Variants in DENND2B observed in about 807,000 individuals in gnomAD.
DENND2B encodes DENN domain containing 2B.
In DENND2B, 32 loss-of-function variants were observed where a neutral mutation model predicts 116.0. The ratio of observed to expected loss-of-function variants is 0.28; its 90% CI spans 0.21 to 0.37. DENND2B has a LOEUF of 0.37. DENND2B is among the 10% of genes least tolerant of loss of function. DENND2B has a pLI of 1.00. For missense variants in DENND2B, 1,276 were observed against 1,477.7 expected (o/e 0.86, Z 2.24); for synonymous variants, 588 against 583.9 (o/e 1.01, Z -0.10).
intron 1 of DENND2B, among the ~76,000 whole-genome samples, chr11:8,806,640 C>CACA (rs1555201307): frequency 1.1e-4 from 1 of 9,286 alleles, no homozygotes; most frequent in Non-Finnish European, 5.0e-4. Flanking sequence ...ACACACACAC[C>CACA]CAGGAGAGCT....
chr11:8,705,415 A>T (rs921714759), intron 13 of DENND2B, among the ~76,000 whole-genome samples: 3 of 151,854 alleles, frequency 2.0e-5, no homozygotes, highest in African/African-American at 4.8e-5. Context: ...GTGGTTCCTG[A>T]TCCGGATCAC....
At chr11:8,718,324 C>T in intron 4 of DENND2B, 1 of 1,518,214 alleles carries the variant, frequency 6.6e-7, no homozygotes, top group Non-Finnish European at 8.8e-7. Context: ...GCTGTCCCTT[C>T]ACCCAACTCT....
chr11:8,859,572 T>C (rs938635657), intron 2 of DENND2B, among the ~76,000 whole-genome samples: 3 of 152,164 alleles, frequency 2.0e-5, no homozygotes, highest in Admixed American at 6.5e-5. Flanking sequence ...CCTCCCAAAG[T>C]GCTGGGATTA....
chr11:8,801,172 C>T (rs2060277013), intron 1 of DENND2B, among the ~76,000 whole-genome samples: 1 of 151,976 alleles, frequency 6.6e-6, no homozygotes, highest in Non-Finnish European at 1.5e-5. Flanking sequence ...CAGAGAGGGG[C>T]CCGCTCAGCC....
chr11:8,800,352 G>A lies in DENND2B; in HGVS notation c.-26+10165C>T, dbSNP rs117271730. On this transcript the variant is annotated intron_variant, in intron 1 of 19. Transcript: ENST00000313726. ...GGGAGATTCCAGCATAACTCTGCAA[G>A]GAAACTTACCTCCACTAAGGAGTAC... 5.4e-4 allele frequency among the ~76,000 whole-genome samples: 82 copies of A among 152,292 alleles called. No homozygotes were observed. The East Asian group carries it at 0.011, about 21-fold the overall frequency.
At chr11:8,704,337 G>C (rs2042221306) in intron 13 of DENND2B, among the ~76,000 whole-genome samples, 1 of 152,222 alleles carries the variant, frequency 6.6e-6, no homozygotes, top group African/African-American at 2.4e-5. Flanking sequence ...AAGAAGAGAA[G>C]TGTCTTCTAG....
intron 4 of DENND2B, among the ~76,000 whole-genome samples, chr11:8,725,818 G>C (rs533182676): frequency 1.3e-5 from 2 of 152,310 alleles, no homozygotes; most frequent in African/African-American, 4.8e-5. Flanking sequence ...TAAAGGAAAG[G>C]AATGATGTTG....
chr11:8,878,259 A>G (rs2134723375), intron 2 of DENND2B, among the ~76,000 whole-genome samples: 1 of 152,346 alleles, frequency 6.6e-6, no homozygotes, highest in East Asian at 1.9e-4. Context: ...TGTGACCAGC[A>G]ATTCCACTCC....
At position 8,904,617 on chromosome 11, in the gene DENND2B, A is replaced by G. The variant is rs373069234; in HGVS notation, c.-256+6204T>C. On this transcript the variant is annotated intron_variant, in intron 1 of 22. Coordinates refer to the DENND2B transcript ENST00000534127. ...AAGAAGTCCTGATTGAAAAGAAAAA[A>G]GTTAGCCTTTCTTTATTCACAGAAG... Among the ~76,000 whole-genome samples the G allele has an allele frequency of 1.9e-3, 291 of 152,320 alleles. 5 individuals carry two copies. The highest frequency in any genetic ancestry group is 6.8e-3 in the African/African-American group (284 of 41,578).
Position 8,712,805 on chromosome 11 carries a change from A to G in DENND2B, c.1988-70T>C. 3 of 1,489,610 alleles carry G rather than the reference A, an allele frequency of 2.0e-6. No homozygotes were observed. Among genetic ancestry groups the G allele is most frequent in the Non-Finnish European group, 2.7e-6 (3 of 1,111,564 alleles). The allele number at this position is 1,489,610 out of a possible 1,614,324, so 92.3% of individuals were successfully genotyped here. ...ATGTTAACTCCTCTACCCCTGGCTC[A>G]GGGCTCCATTGCTGTGGAGCACTTT... is the stretch of plus-strand genomic sequence containing the variant. On this transcript the variant is annotated intron_variant, in intron 8 of 19. Transcript: ENST00000313726. The surrounding 1 kb of genome is among the most constrained non-coding windows in gnomAD (Gnocchi z 4.4).
At chr11:8,878,847 C>T (rs2653559) in intron 2 of DENND2B, among the ~76,000 whole-genome samples, 34,525 of 152,100 alleles carry the variant, frequency 0.23, 4,377 homozygotes, top group East Asian at 0.4. Flanking sequence ...CATCAATCCA[C>T]AGAGACAGAA....
chr11:8,701,893 C>T (rs1182184488), intron 14 of DENND2B, among the ~76,000 whole-genome samples: 1 of 152,084 alleles, frequency 6.6e-6, no homozygotes, highest in African/African-American at 2.4e-5. Flanking sequence ...ACCCATCCAG[C>T]TCTTTTCTTA....
intron 1 of DENND2B, among the ~76,000 whole-genome samples, chr11:8,791,999 A>G (rs976253339): frequency 6.6e-6 from 1 of 151,568 alleles, no homozygotes; most frequent in Non-Finnish European, 1.5e-5. Flanking sequence ...GAGGTCAAGG[A>G]GTTCAAGACC....
At chr11:8,717,720 C>A in intron 5 of DENND2B, 21 bp downstream of exon 5, 2 of 1,530,804 alleles carry the variant, frequency 1.3e-6, no homozygotes, top group South Asian at 1.3e-5. Flanking sequence ...ACCCTACAGG[C>A]CGATGTCAGG....
chr11:8,862,140 C>A (rs2063414573), intron 2 of DENND2B, among the ~76,000 whole-genome samples: 2 of 151,618 alleles, frequency 1.3e-5, no homozygotes, highest in Admixed American at 1.3e-4. Flanking sequence ...CACAATTCAT[C>A]CATATAATCA....
Position 8,699,317 on chromosome 11 carries a change from C to T in DENND2B, c.2794G>A (p.Val932Ile). The T allele has an allele frequency of 6.2e-7, 1 of 1,606,834 alleles. No homozygotes were observed. The highest frequency in any genetic ancestry group is 8.5e-7 in the Non-Finnish European group (1 of 1,178,294). The stretch of plus-strand genomic sequence containing the variant: ...ATGTCAATCATGGAGGCCGGGAGGA[C>T]AGGAATGAAGGTGTGCTGCCAGGAG... The part of the protein sequence containing the change: ...PFSWQHTFIP[V>I]LPASMIDIVC... Residue 932 changes from valine (V) to isoleucine (I), a missense_variant, in exon 15 of 20, where the codon GTC becomes ATC. Val to Ile is a conservative substitution (Grantham distance 29, BLOSUM62 3). Coordinates refer to ENST00000313726, the MANE Select transcript of DENND2B (RefSeq NM_213618.2).
In DENND2B at chr11:8,828,614, C is replaced by T. The variant is rs958673865; in HGVS notation, c.-115+10696G>A. 4.6e-5 allele frequency among the ~76,000 whole-genome samples: 7 copies of T among 152,038 alleles called. No homozygotes were observed. The South Asian group carries it at 6.2e-4, about 14-fold the overall frequency. On this transcript the variant is annotated intron_variant, in intron 4 of 6. Transcript: ENST00000524757. ...GTGGTGAGAATGGGGACAAGCAGGGCGGACCGAGCACTCTTTTAATAGGAA... is the reference window on the plus strand; with the variant it reads ...GTGGTGAGAATGGGGACAAGCAGGGTGGACCGAGCACTCTTTTAATAGGAA...
At chr11:8,697,830 G>A (rs2040651485) in intron 16 of DENND2B, 194 bp from the exon 17 acceptor site, 3 of 602,308 alleles carry the variant, frequency 5.0e-6, no homozygotes, top group Non-Finnish European at 3.0e-6. Flanking sequence ...AGATTACAGA[G>A]ATTAAAAGTG....
chr11:8,708,613 A>G (rs976297085), intron 11 of DENND2B, among the ~76,000 whole-genome samples: 5 of 152,200 alleles, frequency 3.3e-5, no homozygotes, highest in Non-Finnish European at 5.9e-5. Context: ...GACACTGGGT[A>G]GAGGTTTGCT....
Sources: gnomAD v4.1 joint callset for allele counts (sites outside exome capture counted in the v4.1 genomes callset) on GRCh38, gnomAD v4.1.1 for gene constraint, Gnocchi (gnomAD v3.1) non-coding constraint, MANE v1.5 for transcripts, NCBI Gene and HGNC (gene_info 2026-07-23, HGNC 2026-07-21) for gene names.